EPHA5: variants seen among roughly 807,000 people sequenced by gnomAD.
EPHA5 encodes the protein ephrin type-A receptor 5.
In EPHA5, 60 loss-of-function variants were observed where a neutral mutation model predicts 105.0. That is an observed-to-expected ratio of 0.57 (90% CI 0.46 to 0.71). The LOEUF (loss-of-function observed/expected upper bound fraction) is 0.71, where lower values mean the gene tolerates loss of function less well. Among genes scored for constraint, EPHA5 ranks in the 30% least tolerant of loss-of-function variants. The probability of loss-of-function intolerance (pLI) is 0.00; values close to 1 mark genes in which losing one functional copy is unlikely to be tolerated. For missense variants in EPHA5, 1,218 were observed against 1,274.7 expected (o/e 0.96, Z 0.68); for synonymous variants, 513 against 449.1 (o/e 1.14, Z -1.80).
At chr4:65,617,306 C>G (rs1224114253) in intron 2 of EPHA5, among the ~76,000 whole-genome samples, 3 of 151,998 alleles carry the variant, frequency 2.0e-5, no homozygotes, top group African/African-American at 7.2e-5. Flanking sequence ...TCTCTTGCCC[C>G]AATTTTGTCA....
At chr4:65,565,488 G>C (rs1739443905) in intron 3 of EPHA5, among the ~76,000 whole-genome samples, 1 of 151,630 alleles carries the variant, frequency 6.6e-6, no homozygotes, top group African/African-American at 2.4e-5. Flanking sequence ...AAGGCTTAAA[G>C]TAATTTTTAT....
At chr4:65,474,311 A>G (rs1178983203) in intron 5 of EPHA5, among the ~76,000 whole-genome samples, 1 of 152,206 alleles carries the variant, frequency 6.6e-6, no homozygotes, top group African/African-American at 2.4e-5. Context: ...GAAGAAATAA[A>G]GAGTATTTAA....
chr4:65,508,499 C>A (rs1733290209), intron 3 of EPHA5, among the ~76,000 whole-genome samples: 1 of 152,032 alleles, frequency 6.6e-6, no homozygotes, highest in Non-Finnish European at 1.5e-5. Flanking sequence ...TTCATTAACT[C>A]AGAAGAAAAT....
intron 3 of EPHA5, among the ~76,000 whole-genome samples, chr4:65,586,196 T>G (rs1214089056): frequency 2.6e-5 from 4 of 151,714 alleles, no homozygotes; most frequent in Non-Finnish European, 5.9e-5. Flanking sequence ...TTTGATTGCA[T>G]ATATGTTATT....
chr4:65,643,219 A>G (rs1747821273), intron 2 of EPHA5, 144 bp downstream of exon 2: 1 of 507,002 alleles, frequency 2.0e-6, no homozygotes, highest in African/African-American at 2.0e-5. Flanking sequence ...GAGTTATTTG[A>G]AGTCCCCTCA....
chr4:65,602,446 G>T, intron 2 of EPHA5, 142 bp from the exon 3 acceptor site: 1 of 591,144 alleles, frequency 1.7e-6, no homozygotes, highest in Non-Finnish European at 2.7e-6. Context: ...GAAGGAACTA[G>T]ATATAAAGTA....
chr4:65,526,413 AG>A (rs1424131278), intron 3 of EPHA5, among the ~76,000 whole-genome samples: 1 of 151,728 alleles, frequency 6.6e-6, no homozygotes, highest in African/African-American at 2.4e-5. Flanking sequence ...CATATATAAA[AG>A]GCTATATATT....
At chr4:65,346,756 C>A (rs1249377230) in intron 14 of EPHA5, among the ~76,000 whole-genome samples, 1 of 152,056 alleles carries the variant, frequency 6.6e-6, no homozygotes. Flanking sequence ...CATCCAGAAT[C>A]TACAAAGAAC....
chr4:65,444,212 G>T (rs960993058), intron 5 of EPHA5, among the ~76,000 whole-genome samples: 1 of 152,084 alleles, frequency 6.6e-6, no homozygotes, highest in African/African-American at 2.4e-5. Flanking sequence ...GTAATTTAGG[G>T]AAAATCACTT....
intron 2 of EPHA5, among the ~76,000 whole-genome samples, chr4:65,640,248 A>T (rs1747520908): frequency 7.0e-6 from 1 of 143,678 alleles, no homozygotes; most frequent in Non-Finnish European, 1.5e-5. Flanking sequence ...TTCAATGGCC[A>T]TGTGTAGACA....
chr4:65,490,521 C>T lies in EPHA5; in HGVS notation c.1258G>A (p.Gly420Ser), dbSNP rs370503988. The change falls in exon 5 of 17, where the codon GGC (glycine) becomes AGC (serine). Residue 420 changes from glycine to serine, a missense_variant. Coordinates refer to ENST00000613740, the MANE Select transcript of EPHA5 (RefSeq NM_001281766.3). ...ATCATGACAGAGGTGTTTTTCAGGCCGCTTTGCCGGGGAAGGTACCTGACA... is the reference window on the plus strand; with the variant it reads ...ATCATGACAGAGGTGTTTTTCAGGCTGCTTTGCCGGGGAAGGTACCTGACA... ...GHVRYLPRQS[G>S]LKNTSVMMVD... The T allele has an allele frequency of 1.7e-5, 27 of 1,614,042 alleles. No homozygotes were observed. Among genetic ancestry groups the T allele is most frequent in the South Asian group, 7.7e-5 (7 of 91,082 alleles).
At chr4:65,449,841 T>C (rs1424840620) in intron 5 of EPHA5, among the ~76,000 whole-genome samples, 2 of 152,120 alleles carry the variant, frequency 1.3e-5, no homozygotes, top group Non-Finnish European at 2.9e-5. Flanking sequence ...ACTGGGGCTA[T>C]GCTGCCACCA....
intron 5 of EPHA5, among the ~76,000 whole-genome samples, chr4:65,462,490 G>T (rs922665496): frequency 2.6e-5 from 4 of 152,188 alleles, no homozygotes; most frequent in South Asian, 2.1e-4. Flanking sequence ...TTCATCCACA[G>T]GTCTGTATTC....
chr4:65,420,620 C>G (rs2149037790), intron 5 of EPHA5, 55 bp from the exon 6 acceptor site: 1 of 1,550,820 alleles, frequency 6.4e-7, no homozygotes, highest in East Asian at 2.3e-5. Flanking sequence ...TAAAAGTAAA[C>G]CTGTTATGTT....
At position 65,321,516 on chromosome 4, in the gene EPHA5, C is replaced by A; in HGVS notation, c.*2598G>T. The stretch of plus-strand genomic sequence containing the variant: ...TTTAGGGAGAGTACTTGTTGTTTGA[C>A]AGTCTCTTTATTCATTCTAAAGTCA... On this transcript the variant is annotated 3_prime_UTR_variant, in exon 17 of 17. Transcript: ENST00000613740. 1 of 229,000 alleles carries A rather than the reference C, an allele frequency of 4.4e-6. No individual in the cohort carries two copies. The highest frequency in any genetic ancestry group is 8.7e-6 in the Non-Finnish European group (1 of 115,298). 14.2% of individuals were successfully genotyped at this position (229,000 alleles called of 1,614,324 possible). A position where few individuals can be genotyped will look rare whatever the true frequency, so the allele number is the denominator to read the frequency against.
intron 5 of EPHA5, among the ~76,000 whole-genome samples, chr4:65,434,866 C>T (rs769136502): frequency 6.6e-6 from 1 of 152,034 alleles, no homozygotes; most frequent in South Asian, 2.1e-4. Context: ...AACCAGGACA[C>T]CCTGTTTAGG....
intron 3 of EPHA5, among the ~76,000 whole-genome samples, chr4:65,522,690 C>T (rs1734869183): frequency 6.6e-6 from 1 of 151,950 alleles, no homozygotes; most frequent in Non-Finnish European, 1.5e-5. Context: ...AGCAGAGGAG[C>T]TGTTTAGTTC....
intron 7 of EPHA5, among the ~76,000 whole-genome samples, chr4:65,407,659 T>C (rs1183399267): frequency 1.3e-5 from 2 of 151,204 alleles, no homozygotes; most frequent in Non-Finnish European, 3.0e-5. Context: ...ATTTAAAGAA[T>C]ATATTTTTGT....
chr4:65,478,374 T>C (rs968145020), intron 5 of EPHA5, among the ~76,000 whole-genome samples: 2 of 152,214 alleles, frequency 1.3e-5, no homozygotes, highest in African/African-American at 4.8e-5. Flanking sequence ...GTTAACAAAA[T>C]TTGTACATTT....
Sources: allele counts gnomAD v4.1 joint callset (sites outside exome capture counted in the v4.1 genomes callset), GRCh38; gene constraint gnomAD v4.1.1; transcripts MANE v1.5; gene names NCBI Gene and HGNC (gene_info 2026-07-23, HGNC 2026-07-21).